DAB1: variants seen among roughly 807,000 people sequenced by gnomAD.
DAB1 encodes the protein disabled homolog 1.
DAB1 carries 15 observed loss-of-function variants against 64.6 expected under a neutral mutation model. That is an observed-to-expected ratio of 0.23 (90% CI 0.16 to 0.36). The LOEUF is 0.36. Ranked by LOEUF, DAB1 falls within the 10% of genes least tolerant of loss-of-function variation. DAB1 has a pLI of 1.00. For synonymous variants in DAB1, 235 were observed against 251.9 expected (o/e 0.93, Z 0.64); for missense variants, 596 against 706.7 (o/e 0.84, Z 1.78).
chr1:58,433,089 G>C (rs1160937661), intron 3 of DAB1, among the ~76,000 whole-genome samples: 2 of 152,202 alleles, frequency 1.3e-5, no homozygotes, highest in African/African-American at 4.8e-5. Context: ...AGCTTGAGCA[G>C]CCAAGAGGGG....
At chr1:58,339,595 C>T (rs1197327394) in intron 4 of DAB1, among the ~76,000 whole-genome samples, 1 of 152,060 alleles carries the variant, frequency 6.6e-6, no homozygotes, top group Non-Finnish European at 1.5e-5. Flanking sequence ...CTGACATTCT[C>T]ACTAAACTTT....
intron 1 of DAB1, among the ~76,000 whole-genome samples, chr1:57,313,976 C>G (rs1206874420): frequency 6.6e-6 from 1 of 152,180 alleles, no homozygotes; most frequent in Non-Finnish European, 1.5e-5. Flanking sequence ...GAGCCTTGAT[C>G]TTGGACCTTC....
intron 7 of DAB1, among the ~76,000 whole-genome samples, chr1:57,622,508 C>G (rs1558549925): frequency 6.6e-6 from 1 of 152,170 alleles, no homozygotes; most frequent in Non-Finnish European, 1.5e-5. Context: ...GGAATGTTTT[C>G]TGTGATAAGT....
At chr1:57,900,151 TAAAAAGGGACTAGGATTGAGGATA>T (rs1467519982) in intron 5 of DAB1, among the ~76,000 whole-genome samples, 1 of 152,038 alleles carries the variant, frequency 6.6e-6, no homozygotes, top group Non-Finnish European at 1.5e-5. Flanking sequence ...GGATGTTTTA[TAAAAAGGGACTAGGATTGAGGATA>T]AACACTGCAA....
intron 5 of DAB1, among the ~76,000 whole-genome samples, chr1:57,993,895 G>A (rs1238854946): frequency 1.3e-5 from 2 of 152,156 alleles, no homozygotes; most frequent in African/African-American, 4.8e-5. Context: ...TATTTTACAA[G>A]TATCTCTGGA....
At chr1:57,213,075 G>C (rs182957371) in intron 2 of DAB1, among the ~76,000 whole-genome samples, 409 of 151,992 alleles carry the variant, frequency 2.7e-3, no homozygotes, top group Non-Finnish European at 4.4e-3. Context: ...TGCTGCCCAG[G>C]GCCCAGCTGG....
At position 57,198,589 on chromosome 1, in the gene DAB1, C is replaced by T. The variant is rs554857353; in HGVS notation, c.68-53160G>A. 4.0e-5 allele frequency among the ~76,000 whole-genome samples: 6 copies of T among 151,348 alleles called. No individual in the cohort carries two copies. In the East Asian group the frequency reaches 1.2e-3, roughly 30 times the overall value. On this transcript the variant is annotated intron_variant, in intron 2 of 14. Transcript: ENST00000371236. ...TCTCTACCTGGAATGCCCCCCACCT[C>T]CATCCATATCCTGGCTTAACTCTCT...
At position 58,180,281 on chromosome 1, in the gene DAB1, C is replaced by CTTTTTTTTTTTTTTTTTT. The variant is rs869204611; in HGVS notation, n.310-29711_310-29694dup. Among the ~76,000 whole-genome samples the CTTTTTTTTTTTTTTTTTT allele has an allele frequency of 1.8e-4, 11 of 61,002 alleles. 1 individual carries two copies. Among genetic ancestry groups the CTTTTTTTTTTTTTTTTTT allele is most frequent in the Admixed American group, 4.9e-4 (2 of 4,104 alleles). The allele number at this position is 61,002 out of a possible 152,430, so 40.0% of individuals were successfully genotyped here. A position where few individuals can be genotyped will look rare whatever the true frequency, so the allele number is the denominator to read the frequency against. On this transcript the variant is annotated intron_variant and non_coding_transcript_variant, in intron 4 of 20. Coordinates refer to the DAB1 transcript ENST00000485760. The stretch of plus-strand genomic sequence containing the variant: ...CTTTCTTTTTTCTTTTTTTTCTTTT[C>CTTTTTTTTTTTTTTTTTT]TTTTTTTTTTTTTTTTTTTTTTTTT...
At chr1:58,423,931 C>A (rs998969113) in intron 3 of DAB1, among the ~76,000 whole-genome samples, 19 of 152,306 alleles carry the variant, frequency 1.2e-4, no homozygotes, top group African/African-American at 4.6e-4. Context: ...CTAATAAATA[C>A]CAGCCCCAAG....
chr1:57,050,014 G>A (rs1489521058), intron 9 of DAB1, among the ~76,000 whole-genome samples: 1 of 152,014 alleles, frequency 6.6e-6, no homozygotes, highest in African/African-American at 2.4e-5. Context: ...TCTCTCTCTG[G>A]TCCCAGTGCC....
chr1:57,890,849 G>A (rs1468685094), intron 5 of DAB1, among the ~76,000 whole-genome samples: 1 of 152,166 alleles, frequency 6.6e-6, no homozygotes, highest in East Asian at 1.9e-4. Flanking sequence ...ACAATGGACT[G>A]TATCTCTATT....
At chr1:58,469,969 G>A (rs921994279) in intron 3 of DAB1, among the ~76,000 whole-genome samples, 9 of 151,748 alleles carry the variant, frequency 5.9e-5, no homozygotes, top group African/African-American at 2.2e-4. Context: ...GCATATAGTA[G>A]GCCTTCAATA....
At chr1:58,422,903 A>G (rs1644786016) in intron 3 of DAB1, among the ~76,000 whole-genome samples, 1 of 152,348 alleles carries the variant, frequency 6.6e-6, no homozygotes, top group Admixed American at 6.5e-5. Flanking sequence ...TAAATCTAAC[A>G]GGAGCAAATC....
At chr1:57,514,941 T>A (rs1405618740) in intron 7 of DAB1, among the ~76,000 whole-genome samples, 1 of 152,198 alleles carries the variant, frequency 6.6e-6, no homozygotes, top group African/African-American at 2.4e-5. Context: ...GCTCAGCACA[T>A]CATGAGTGAC....
intron 6 of DAB1, among the ~76,000 whole-genome samples, chr1:57,659,448 G>A (rs7552341): frequency 0.018 from 2,723 of 152,180 alleles, 70 homozygotes; most frequent in African/African-American, 0.061. Flanking sequence ...CTTATAGGCC[G>A]GAACGTACCA....
chr1:57,067,396 T>C (rs1182875270), intron 8 of DAB1, among the ~76,000 whole-genome samples: 1 of 152,160 alleles, frequency 6.6e-6, no homozygotes. Flanking sequence ...TACCTATTGC[T>C]AGCTCTGGGA....
At chr1:57,069,547 A>C (rs1413679353) in intron 7 of DAB1, 122 bp from the exon 8 acceptor site, 1 of 725,050 alleles carries the variant, frequency 1.4e-6, no homozygotes, top group Non-Finnish European at 2.4e-6. Flanking sequence ...AAGAGAAAAC[A>C]CCTTAAAGAC....
chr1:57,844,133 ATCT>A (rs1316634359), intron 1 of DAB1, among the ~76,000 whole-genome samples: 2 of 152,172 alleles, frequency 1.3e-5, no homozygotes, highest in Non-Finnish European at 2.9e-5. Flanking sequence ...AAGACCCAAA[ATCT>A]TCTTTTGTAA....
At chr1:57,778,674 G>C (rs1029554772) in intron 6 of DAB1, among the ~76,000 whole-genome samples, 3 of 151,906 alleles carry the variant, frequency 2.0e-5, no homozygotes. Flanking sequence ...TCTTCCATTC[G>C]CCATCTGCGA....
Sources: allele counts gnomAD v4.1 joint callset (sites outside exome capture counted in the v4.1 genomes callset), GRCh38; gene constraint gnomAD v4.1.1; transcripts MANE v1.5; gene names NCBI Gene and HGNC (gene_info 2026-07-23, HGNC 2026-07-21).